The following ZBTB20 variants were observed in gnomAD, a reference collection of about 807,000 sequenced individuals.
The protein encoded by ZBTB20 is zinc finger and BTB domain-containing protein 20.
ZBTB20 carries 9 observed loss-of-function variants against 56.9 expected under a neutral mutation model. The ratio of observed to expected loss-of-function variants is 0.16; its 90% CI spans 0.10 to 0.28. The LOEUF is 0.28. Ranked by LOEUF, ZBTB20 falls within the 10% of genes least tolerant of loss-of-function variation. The pLI is 1.00. For missense variants in ZBTB20, 655 were observed against 1,003.0 expected (o/e 0.65, Z 4.69); for synonymous variants, 417 against 420.7 (o/e 0.99, Z 0.11).
chr3:114,938,863 A>T (rs2076637185), intron 3 of ZBTB20, among the ~76,000 whole-genome samples: 1 of 146,132 alleles, frequency 6.8e-6, no homozygotes, highest in Non-Finnish European at 1.5e-5. Flanking sequence ...TCTGTACTGA[A>T]CATGTACAGA....
intron 6 of ZBTB20, among the ~76,000 whole-genome samples, chr3:114,597,480 C>A (rs568823695): frequency 2.0e-5 from 3 of 152,186 alleles, no homozygotes; most frequent in African/African-American, 7.2e-5. Context: ...CCTTGATACA[C>A]TGTGCCATTG....
At chr3:114,925,997 A>G (rs2076144011) in intron 3 of ZBTB20, among the ~76,000 whole-genome samples, 1 of 152,190 alleles carries the variant, frequency 6.6e-6, no homozygotes, top group African/African-American at 2.4e-5. Context: ...TTTGGATCTC[A>G]GTGTGGACTG....
At chr3:115,011,146 C>T (rs2108261719) in intron 2 of ZBTB20, among the ~76,000 whole-genome samples, 1 of 151,818 alleles carries the variant, frequency 6.6e-6, no homozygotes, top group Middle Eastern at 3.4e-3. Flanking sequence ...ATGAAGCACA[C>T]CTACAGGATC....
At chr3:114,760,997 C>T (rs1164903074) in intron 5 of ZBTB20, among the ~76,000 whole-genome samples, 1 of 152,102 alleles carries the variant, frequency 6.6e-6, no homozygotes, top group Non-Finnish European at 1.5e-5. Context: ...AATAATACTC[C>T]TAAACCCCCA....
At chr3:114,960,683 T>C (rs2077415063) in intron 3 of ZBTB20, among the ~76,000 whole-genome samples, 1 of 152,190 alleles carries the variant, frequency 6.6e-6, no homozygotes, top group Non-Finnish European at 1.5e-5. Context: ...TTATAATACA[T>C]TCCCTGAAAA....
At chr3:114,470,442 A>C (rs1330555226) in intron 7 of ZBTB20, among the ~76,000 whole-genome samples, 4 of 152,156 alleles carry the variant, frequency 2.6e-5, no homozygotes, top group Admixed American at 1.3e-4. Context: ...GATCTTGGTT[A>C]TATGTGGAAG....
chr3:114,466,876 G>A (rs1413717525), intron 7 of ZBTB20, among the ~76,000 whole-genome samples: 1 of 152,124 alleles, frequency 6.6e-6, no homozygotes, highest in African/African-American at 2.4e-5. Context: ...ATGCAAATAA[G>A]TTAATACCGT....
At chr3:114,822,088 T>A (rs1410320481) in intron 4 of ZBTB20, among the ~76,000 whole-genome samples, 5 of 152,082 alleles carry the variant, frequency 3.3e-5, no homozygotes, top group African/African-American at 1.2e-4. Flanking sequence ...AACATTAATA[T>A]AGAAGCAGAT....
chr3:115,087,251 T>C (rs1263027187), intron 1 of ZBTB20, among the ~76,000 whole-genome samples: 2 of 151,898 alleles, frequency 1.3e-5, no homozygotes, highest in Non-Finnish European at 2.9e-5. Flanking sequence ...AAAAATGGCC[T>C]GTCTTTAAAT....
At position 114,336,122 on chromosome 3, in the gene ZBTB20, A is replaced by T. The variant is rs1355008153; in HGVS notation, c.*2883T>A. On this transcript the variant is annotated 3_prime_UTR_variant, in exon 12 of 12. Coordinates refer to ENST00000675478, the MANE Select transcript of ZBTB20 (RefSeq NM_001348800.3). ...TTCAAATCTACTGTGAAACAGTTTA[A>T]AATATTTTAAAGTGGCTTTTGGCCT... 3 of 152,354 alleles carry T rather than the reference A, an allele frequency of 2.0e-5. No homozygotes were observed. The East Asian group carries it at 5.8e-4, about 29-fold the overall frequency. The allele number at this position is 152,354 out of a possible 1,614,324, so 9.4% of individuals were successfully genotyped here.
chr3:114,999,053 A>AAGGAG (rs141132185), intron 2 of ZBTB20, among the ~76,000 whole-genome samples: 5 of 142,282 alleles, frequency 3.5e-5, no homozygotes, highest in African/African-American at 1.3e-4. Flanking sequence ...AAGGAGGGGA[A>AAGGAG]AGGAGAGGAG....
intron 6 of ZBTB20, among the ~76,000 whole-genome samples, chr3:114,693,212 A>C (rs2062801756): frequency 6.6e-6 from 1 of 152,144 alleles, no homozygotes; most frequent in Admixed American, 6.6e-5. Context: ...CTTCCAAACA[A>C]ATCCTTTGAA....
chr3:114,638,364 A>G (rs2059386723), intron 6 of ZBTB20, among the ~76,000 whole-genome samples: 2 of 152,132 alleles, frequency 1.3e-5, no homozygotes, highest in Non-Finnish European at 2.9e-5. Flanking sequence ...ATATCAGCAC[A>G]GACTTTATCA....
At chr3:115,062,333 C>T (rs1202582919) in intron 2 of ZBTB20, among the ~76,000 whole-genome samples, 1 of 152,220 alleles carries the variant, frequency 6.6e-6, no homozygotes, top group Non-Finnish European at 1.5e-5. Flanking sequence ...TTATAAGCTA[C>T]AATCAATTAT....
intron 4 of ZBTB20, among the ~76,000 whole-genome samples, chr3:114,827,239 T>A (rs1418595240): frequency 6.6e-6 from 1 of 151,722 alleles, no homozygotes; most frequent in African/African-American, 2.4e-5. Context: ...TACTAAGACT[T>A]TTTACTCCTC....
chr3:114,685,821 A>G (rs778198339), intron 6 of ZBTB20, among the ~76,000 whole-genome samples: 1 of 152,158 alleles, frequency 6.6e-6, no homozygotes, highest in Non-Finnish European at 1.5e-5. Flanking sequence ...AATAGTAATA[A>G]TAATAAATAA....
rs548298650 is a variant in ZBTB20, at chr3:114,913,593, T to C, written c.-455-13251A>G. ...GCAGAAGCTTTTTAGTTTGATGTGA[T>C]CCCATATGTCCATTTTTGCTTTGGT... is the stretch of plus-strand genomic sequence containing the variant. On this transcript the variant is annotated intron_variant, in intron 3 of 11. Transcript: ENST00000675478. Among the ~76,000 whole-genome samples the C allele has an allele frequency of 1.1e-4, 16 of 152,154 alleles. No individual in the cohort carries two copies. In the East Asian group the frequency reaches 3.1e-3, roughly 29 times the overall value.
At chr3:114,349,306 C>T (rs534321264) in intron 11 of ZBTB20, among the ~76,000 whole-genome samples, 5 of 151,928 alleles carry the variant, frequency 3.3e-5, no homozygotes, top group Admixed American at 3.3e-4. Flanking sequence ...TATGTGCTCA[C>T]TTATATGGAG....
chr3:114,960,219 T>C (rs866706589), intron 3 of ZBTB20, among the ~76,000 whole-genome samples: 2 of 152,172 alleles, frequency 1.3e-5, no homozygotes, highest in African/African-American at 2.4e-5. Context: ...CAAATAAATT[T>C]TGGGTAAACA....
Sources: gnomAD v4.1 joint callset for allele counts (sites outside exome capture counted in the v4.1 genomes callset) on GRCh38, gnomAD v4.1.1 for gene constraint, MANE v1.5 for transcripts, NCBI Gene and HGNC (gene_info 2026-07-23, HGNC 2026-07-21) for gene names.